Variants in PTPRN2 observed in about 807,000 individuals in gnomAD.
PTPRN2 encodes protein tyrosine phosphatase receptor type N2, also known as receptor-type tyrosine-protein phosphatase N2.
Under a neutral mutation model 118.8 loss-of-function variants are expected in PTPRN2, and 74 were observed. That is an observed-to-expected ratio of 0.62 (90% CI 0.52 to 0.76). PTPRN2 has a LOEUF of 0.76. Among genes scored for constraint, PTPRN2 ranks in the 30% least tolerant of loss-of-function variants. The pLI, the probability that PTPRN2 is intolerant of heterozygous loss-of-function variation, is 0.00. For missense variants in PTPRN2, 1,481 were observed against 1,394.4 expected, an observed-to-expected ratio of 1.06 and a Z score of -0.99; for synonymous variants, 641 against 608.0, an observed-to-expected ratio of 1.05 and a Z score of -0.80.
intron 3 of PTPRN2, among the ~76,000 whole-genome samples, chr7:158,270,506 CT>C (rs1798240596): frequency 6.6e-6 from 1 of 152,136 alleles, no homozygotes; most frequent in South Asian, 2.1e-4. Flanking sequence ...CCCCGACCCC[CT>C]GGCTCCCTCT....
intron 11 of PTPRN2, among the ~76,000 whole-genome samples, chr7:157,901,601 A>C (rs1429289381): frequency 6.6e-6 from 1 of 152,228 alleles, no homozygotes; most frequent in Non-Finnish European, 1.5e-5. Flanking sequence ...GGCTGTACTG[A>C]ATAATGGGCT....
chr7:158,340,661 G>A (rs1366383830), intron 2 of PTPRN2, among the ~76,000 whole-genome samples: 7 of 96,158 alleles, frequency 7.3e-5, no homozygotes, highest in South Asian at 3.9e-4. Context: ...GCCCGCAGAC[G>A]TCACTCACAC....
At chr7:158,259,894 T>C (rs1797281512) in intron 3 of PTPRN2, among the ~76,000 whole-genome samples, 1 of 144,912 alleles carries the variant, frequency 6.9e-6, no homozygotes, top group East Asian at 2.1e-4. Context: ...TGTCCATGTG[T>C]CCATGAGTAC....
intron 12 of PTPRN2, among the ~76,000 whole-genome samples, chr7:157,858,045 C>CT (rs1278430611): frequency 6.7e-6 from 1 of 148,746 alleles, no homozygotes; most frequent in Non-Finnish European, 1.5e-5. Flanking sequence ...TGAGTCAGCC[C>CT]CCCAGCTACC....
At chr7:158,198,513 T>C (rs1217626788) in intron 4 of PTPRN2, among the ~76,000 whole-genome samples, 2 of 152,240 alleles carry the variant, frequency 1.3e-5, no homozygotes, top group African/African-American at 4.8e-5. Context: ...GCCCATCTTA[T>C]GTTTTATATC....
intron 9 of PTPRN2, among the ~76,000 whole-genome samples, chr7:158,128,640 G>T (rs1342714861): frequency 6.6e-6 from 1 of 152,098 alleles, no homozygotes; most frequent in African/African-American, 2.4e-5. Flanking sequence ...TTCCCTCCAG[G>T]GTGAGCCCAT....
chr7:158,300,506 C>T (rs953791267), intron 3 of PTPRN2, among the ~76,000 whole-genome samples: 1 of 62,038 alleles, frequency 1.6e-5, no homozygotes, highest in Admixed American at 1.7e-4. Flanking sequence ...TCCCATGAGG[C>T]GACGTGGTGC....
intron 1 of PTPRN2, among the ~76,000 whole-genome samples, chr7:158,490,053 C>T (rs1485593326): frequency 1.3e-5 from 2 of 152,206 alleles, no homozygotes; most frequent in African/African-American, 4.8e-5. Flanking sequence ...GTCAAGCCGG[C>T]GTCATCACAG....
chr7:157,978,743 C>T (rs992929040), intron 11 of PTPRN2, among the ~76,000 whole-genome samples: 2 of 151,952 alleles, frequency 1.3e-5, no homozygotes, highest in Non-Finnish European at 2.9e-5. Flanking sequence ...CTTTCTGTTC[C>T]CTTCCTCAAG....
At chr7:157,959,162 C>A (rs1266146778) in intron 11 of PTPRN2, among the ~76,000 whole-genome samples, 8 of 152,174 alleles carry the variant, frequency 5.3e-5, no homozygotes, top group Admixed American at 5.2e-4. Flanking sequence ...GGTTCTCAGA[C>A]AACTTGCAAA....
intron 12 of PTPRN2, among the ~76,000 whole-genome samples, chr7:157,750,732 G>A: frequency 6.6e-6 from 1 of 152,250 alleles, no homozygotes; most frequent in African/African-American, 2.4e-5. Flanking sequence ...TACCCAGTGA[G>A]CTGTTGAGAG....
intron 1 of PTPRN2, among the ~76,000 whole-genome samples, chr7:158,523,684 C>T (rs1490096034): frequency 7.2e-6 from 1 of 138,258 alleles, no homozygotes; most frequent in African/African-American, 2.7e-5. Flanking sequence ...GGAGCGGAGT[C>T]GTCTGCCCTG....
Position 157,795,168 on chromosome 7 carries a change from G to C in PTPRN2, c.1788+103505C>G, listed in dbSNP as rs1454781725. On this transcript the variant is annotated intron_variant, in intron 12 of 22. Coordinates refer to ENST00000389418, the MANE Select transcript of PTPRN2 (RefSeq NM_002847.5). ...GAGGCACTTCGGCGGGGTCGGGGGC[G>C]GGGGGGGCTCAAGCTAAAAGCCCCT... 2.4e-5 allele frequency among the ~76,000 whole-genome samples: 3 copies of C among 127,460 alleles called. 1 individual carries two copies. The highest frequency in any genetic ancestry group is 8.3e-5 in the African/African-American group (2 of 24,112). The allele number at this position is 127,460 out of a possible 152,430, so 83.6% of individuals were successfully genotyped here. A position where few individuals can be genotyped will look rare whatever the true frequency, so the allele number is the denominator to read the frequency against.
chr7:158,285,138 C>T (rs563795594), intron 3 of PTPRN2, among the ~76,000 whole-genome samples: 7 of 152,330 alleles, frequency 4.6e-5, no homozygotes, highest in Admixed American at 1.3e-4. Flanking sequence ...ATATTTCTGA[C>T]GTGCCCAGGC....
intron 12 of PTPRN2, among the ~76,000 whole-genome samples, chr7:157,877,929 T>A (rs976389927): frequency 6.6e-6 from 1 of 152,192 alleles, no homozygotes; most frequent in Non-Finnish European, 1.5e-5. Flanking sequence ...AAAATGTGTG[T>A]GAATATAAAC....
chr7:157,655,958 C>T (rs1384500912), intron 14 of PTPRN2, among the ~76,000 whole-genome samples: 1 of 151,714 alleles, frequency 6.6e-6, no homozygotes, highest in African/African-American at 2.4e-5. Flanking sequence ...CATTTATTTA[C>T]CCAAATGACG....
At chr7:158,208,022 T>C (rs1177211052) in intron 3 of PTPRN2, among the ~76,000 whole-genome samples, 1 of 152,204 alleles carries the variant, frequency 6.6e-6, no homozygotes, top group Non-Finnish European at 1.5e-5. Context: ...CCTCAGACTC[T>C]CTTGACAGCA....
At chr7:158,147,509 G>C (rs77155927) in intron 6 of PTPRN2, among the ~76,000 whole-genome samples, 1,441 of 4,964 alleles carry the variant, frequency 0.29, no homozygotes, top group Middle Eastern at 0.5. Context: ...TCACGCCACA[G>C]GTCTTTCCCC....
chr7:158,145,249 T>A (rs1343382709), intron 6 of PTPRN2, among the ~76,000 whole-genome samples: 1 of 149,658 alleles, frequency 6.7e-6, no homozygotes, highest in Non-Finnish European at 1.5e-5. Flanking sequence ...ATACCACGGC[T>A]TGGCAAGACT....
Sources: gnomAD v4.1 joint callset for allele counts (sites outside exome capture counted in the v4.1 genomes callset) on GRCh38, gnomAD v4.1.1 for gene constraint, MANE v1.5 for transcripts, NCBI Gene and HGNC (gene_info 2026-07-23, HGNC 2026-07-21) for gene names.